The following LZTS1 variants were observed in gnomAD, a reference collection of about 807,000 sequenced individuals.
LZTS1 encodes the protein leucine zipper tumor suppressor 1.
In LZTS1, 31 loss-of-function variants were observed where a neutral mutation model predicts 45.8. The observed-to-expected ratio is 0.68, with a 90% CI of 0.51 to 0.91. The LOEUF (loss-of-function observed/expected upper bound fraction) is 0.91. LZTS1 is among the 40% of genes least tolerant of loss of function. The pLI is 0.00. For missense variants in LZTS1, 821 were observed against 788.9 expected (o/e 1.04, Z -0.49); for synonymous variants, 359 against 357.3 (o/e 1.00, Z -0.05).
At chr8:20,283,706 T>C (rs924628086) in intron 1 of LZTS1, among the ~76,000 whole-genome samples, 21 of 152,238 alleles carry the variant, frequency 1.4e-4, no homozygotes, top group African/African-American at 4.8e-4. Flanking sequence ...TAGCAGCTCC[T>C]ACCAGCAAGG....
chr8:20,267,667 G>A (rs903593395), intron 1 of LZTS1, among the ~76,000 whole-genome samples: 27 of 152,160 alleles, frequency 1.8e-4, no homozygotes, highest in Admixed American at 4.6e-4. Context: ...AGGCGCTCAC[G>A]CCACCATGCC....
intron 1 of LZTS1, among the ~76,000 whole-genome samples, chr8:20,263,995 C>T (rs1166268103): frequency 6.6e-6 from 1 of 152,060 alleles, no homozygotes; most frequent in Non-Finnish European, 1.5e-5. Context: ...GAGCTGGAGT[C>T]CCCATTCCCT....
At chr8:20,283,526 C>A (rs1800734886) in intron 1 of LZTS1, among the ~76,000 whole-genome samples, 1 of 152,108 alleles carries the variant, frequency 6.6e-6, no homozygotes, top group African/African-American at 2.4e-5. Flanking sequence ...GCCGCCCGAA[C>A]AGACTGGAGT....
chr8:20,302,606 A>G (rs1224401302), intron 1 of LZTS1, among the ~76,000 whole-genome samples: 2 of 152,194 alleles, frequency 1.3e-5, no homozygotes, highest in African/African-American at 4.8e-5. Flanking sequence ...CACTTCCAGC[A>G]GAGTGTGGGA....
chr8:20,279,569 C>T (rs146113345), intron 1 of LZTS1, among the ~76,000 whole-genome samples: 1 of 150,866 alleles, frequency 6.6e-6, no homozygotes, highest in Non-Finnish European at 1.5e-5. Flanking sequence ...GGGCGTGGTG[C>T]CATGCACCTG....
Position 20,290,491 on chromosome 8 carries a change from T to C in LZTS1, c.-135+13249A>G, listed in dbSNP as rs757697657. On this transcript the variant is annotated intron_variant, in intron 1 of 3. Coordinates refer to ENST00000381569, the MANE Select transcript of LZTS1 (RefSeq NM_021020.5). The stretch of plus-strand genomic sequence containing the variant: ...TGTTTCACGTAGGAGGACTCGTATA[T>C]GTGTTCCTGGTAGGGAATGTGTGTC... 11 of 152,284 alleles carry C rather than the reference T, an allele frequency of 7.2e-5. 1 individual carries two copies. Among genetic ancestry groups the C allele is most frequent in the Non-Finnish European group, 5.9e-5 (4 of 68,068 alleles). 9.4% of individuals were successfully genotyped at this position (152,284 alleles called of 1,614,324 possible). A position where few individuals can be genotyped will look rare whatever the true frequency, so the allele number is the denominator to read the frequency against.
intron 1 of LZTS1, among the ~76,000 whole-genome samples, chr8:20,273,287 G>A (rs1469895032): frequency 6.6e-6 from 1 of 152,056 alleles, no homozygotes; most frequent in East Asian, 1.9e-4. Context: ...TTCTCTAAAT[G>A]TGGATGCTTT....
At position 20,252,087 on chromosome 8, in the gene LZTS1, C is replaced by T. The variant is rs1325740323; in HGVS notation, c.1149+695G>A. 3.9e-5 allele frequency among the ~76,000 whole-genome samples: 6 copies of T among 152,124 alleles called. 1 individual carries two copies. The highest frequency in any genetic ancestry group is 7.3e-5 in the Non-Finnish European group (5 of 68,028). On this transcript the variant is annotated intron_variant, in intron 3 of 3. Transcript: ENST00000381569. Reference sequence around the variant, plus strand: ...CTTGAACTCCATGAGTCATCCAGACCACCAGGCTGGTGAGAAAAGCTGCTT... The same window carrying T: ...CTTGAACTCCATGAGTCATCCAGACTACCAGGCTGGTGAGAAAAGCTGCTT...
chr8:20,256,060 C>CAAAAAAAAAAAAAAAAAAAA (rs386412254), intron 1 of LZTS1, among the ~76,000 whole-genome samples: 3 of 56,450 alleles, frequency 5.3e-5, no homozygotes, highest in Non-Finnish European at 6.4e-5. Flanking sequence ...GGGCCTGACT[C>CAAAAAAAAAAAAAAAAAAAA]AAAAAAAAAA....
At chr8:20,250,546 G>A (rs1799867961) in intron 3 of LZTS1, among the ~76,000 whole-genome samples, 183 bp from the exon 4 acceptor site, 1 of 152,158 alleles carries the variant, frequency 6.6e-6, no homozygotes, top group African/African-American at 2.4e-5. Flanking sequence ...CCAGGTTATC[G>A]AGCTAGGCTA....
At chr8:20,294,705 G>A (rs1263161480) in intron 1 of LZTS1, among the ~76,000 whole-genome samples, 2 of 152,078 alleles carry the variant, frequency 1.3e-5, no homozygotes, top group African/African-American at 4.8e-5. Context: ...CGGGGAGCAG[G>A]GAAGAGCTCA....
intron 1 of LZTS1, among the ~76,000 whole-genome samples, chr8:20,256,795 G>A (rs1260156124): frequency 3.9e-5 from 6 of 152,160 alleles, no homozygotes; most frequent in Non-Finnish European, 8.8e-5. Flanking sequence ...AGAGTAGGCA[G>A]GAGGGTGAGT....
intron 1 of LZTS1, among the ~76,000 whole-genome samples, chr8:20,258,946 C>T (rs919385175): frequency 2.0e-5 from 3 of 152,150 alleles, no homozygotes; most frequent in African/African-American, 7.2e-5. Flanking sequence ...TTGACACTGA[C>T]AAAATGTGTT....
chr8:20,258,652 T>C (rs1049147958), intron 1 of LZTS1, among the ~76,000 whole-genome samples: 6 of 152,324 alleles, frequency 3.9e-5, no homozygotes, highest in African/African-American at 9.6e-5. Flanking sequence ...AGGATCGTTA[T>C]GAGAAATTTA....
intron 1 of LZTS1, among the ~76,000 whole-genome samples, chr8:20,266,937 G>T (rs1204694193): frequency 6.6e-6 from 1 of 151,668 alleles, no homozygotes; most frequent in Non-Finnish European, 1.5e-5. Context: ...GTGAAACCCT[G>T]TCTCTACTAA....
intron 3 of LZTS1, among the ~76,000 whole-genome samples, chr8:20,250,633 C>T (rs116079046): frequency 0.023 from 3,540 of 152,224 alleles, 146 homozygotes; most frequent in African/African-American, 0.082. Context: ...TTTGAGAAGT[C>T]TCGCTTTGTC....
chr8:20,275,018 C>T (rs62499975), intron 1 of LZTS1, among the ~76,000 whole-genome samples: 38,455 of 151,068 alleles, frequency 0.25, 5,732 homozygotes, highest in African/African-American at 0.4. Context: ...TTGTGATATT[C>T]GCTTCCTGGA....
chr8:20,268,216 A>G (rs995465777), intron 1 of LZTS1, among the ~76,000 whole-genome samples: 1 of 90,192 alleles, frequency 1.1e-5, no homozygotes. Context: ...CTGGGCCTCC[A>G]GGAGGGCAGC....
intron 1 of LZTS1, among the ~76,000 whole-genome samples, chr8:20,301,330 C>T (rs902063013): frequency 2.6e-5 from 4 of 152,116 alleles, no homozygotes; most frequent in African/African-American, 9.7e-5. Context: ...CTTAACTCTC[C>T]TCATCTAATA....
Sources: gnomAD v4.1 joint callset for allele counts (sites outside exome capture counted in the v4.1 genomes callset) on GRCh38, gnomAD v4.1.1 for gene constraint, MANE v1.5 for transcripts, NCBI Gene and HGNC (gene_info 2026-07-23, HGNC 2026-07-21) for gene names.